Variants in POLR3F observed in about 807,000 individuals in gnomAD.
POLR3F encodes the protein DNA-directed RNA polymerase III subunit RPC6.
In POLR3F, 31 loss-of-function variants were observed where a neutral mutation model predicts 43.6. The observed-to-expected ratio is 0.71, with a 90% confidence interval of 0.53 to 0.96. The LOEUF (loss-of-function observed/expected upper bound fraction) is 0.96. Among genes scored for constraint, POLR3F ranks in the 40% least tolerant of loss-of-function variants. The probability of loss-of-function intolerance (pLI) is 0.00; values close to 1 mark genes in which losing one functional copy is unlikely to be tolerated. For missense variants in POLR3F, 316 were observed against 391.7 expected, an observed-to-expected ratio of 0.81 and a Z score of 1.63; for synonymous variants, 114 against 132.5, an observed-to-expected ratio of 0.86 and a Z score of 0.96.
intron 5 of POLR3F, among the ~76,000 whole-genome samples, chr20:18,478,006 A>G (rs889213570): frequency 2.0e-5 from 3 of 152,196 alleles, no homozygotes; most frequent in African/African-American, 7.2e-5. Flanking sequence ...ATGTGGCCCA[A>G]AGCCCCAACC....
chr20:18,468,640 C>T (rs144344202), intron 1 of POLR3F, among the ~76,000 whole-genome samples: 9 of 152,144 alleles, frequency 5.9e-5, no homozygotes, highest in Admixed American at 3.9e-4. Context: ...TTATTACACC[C>T]GAGAAAACTG....
intron 5 of POLR3F, among the ~76,000 whole-genome samples, chr20:18,475,570 A>G (rs978089413): frequency 2.0e-5 from 3 of 152,132 alleles, no homozygotes; most frequent in African/African-American, 4.8e-5. Flanking sequence ...TCGTAGAAAG[A>G]TCCCTGCCTT....
intron 6 of POLR3F, 44 bp from the exon 7 acceptor site, chr20:18,480,358 C>A: frequency 7.2e-7 from 1 of 1,390,906 alleles, no homozygotes; most frequent in Non-Finnish European, 1.0e-6. Flanking sequence ...TCAGAAAACA[C>A]ACCAATATTC....
In POLR3F at chr20:18,467,596, C is replaced by G. The variant is rs369282580; in HGVS notation, c.62+28C>G. On this transcript the variant is annotated intron_variant, in intron 1 of 8. Coordinates refer to ENST00000377603, the MANE Select transcript of POLR3F (RefSeq NM_006466.4). ...AAACCAGTGAGGCTCCGGCTTGGCA[C>G]TCCATCAGGCGCCCAGTCATTTGGG... The G allele has an allele frequency of 3.1e-6, 5 of 1,614,146 alleles. No homozygotes were observed. The Admixed American group carries it at 5.0e-5, about 16-fold the overall frequency.
At chr20:18,480,543 T>G (rs372480346) in intron 7 of POLR3F, 34 bp downstream of exon 7, 1 of 1,248,244 alleles carries the variant, frequency 8.0e-7, no homozygotes, top group African/African-American at 1.5e-5. Context: ...TTTTTAAAAC[T>G]TATTCTTTGT....
At chr20:18,471,925 T>C (rs994644628) in intron 2 of POLR3F, among the ~76,000 whole-genome samples, 2 of 152,196 alleles carry the variant, frequency 1.3e-5, no homozygotes, top group African/African-American at 4.8e-5. Flanking sequence ...GAGGTTGCAG[T>C]GAGCCGAGAT....
chr20:18,467,404 G>A lies in POLR3F; in HGVS notation c.-103G>A. 2 of 1,277,944 alleles carry A rather than the reference G, an allele frequency of 1.6e-6. No homozygotes were observed. Among genetic ancestry groups the A allele is most frequent in the East Asian group, 2.4e-5 (1 of 42,488 alleles). 79.2% of individuals were successfully genotyped at this position (1,277,944 alleles called of 1,614,324 possible). ...TGCGACACGAGGAAGAAGGCCCCTC[G>A]GCCTCAGCAGAGCGCTATCCTCCAC... On this transcript the variant is annotated 5_prime_UTR_variant, in exon 1 of 9. Coordinates refer to ENST00000377603, the MANE Select transcript of POLR3F (RefSeq NM_006466.4).
At chr20:18,479,753 G>T (rs1160790035) in intron 5 of POLR3F, among the ~76,000 whole-genome samples, 1 of 152,158 alleles carries the variant, frequency 6.6e-6, no homozygotes, top group Non-Finnish European at 1.5e-5. Flanking sequence ...ATGATGTCCT[G>T]GATGGAATCC....
At chr20:18,483,050 T>C (rs2059818575) in intron 8 of POLR3F, among the ~76,000 whole-genome samples, 1 of 151,932 alleles carries the variant, frequency 6.6e-6, no homozygotes, top group Non-Finnish European at 1.5e-5. Flanking sequence ...CAGGCCCTAT[T>C]ATAGTATGTT....
chr20:18,481,640 A>T lies in POLR3F; in HGVS notation c.703A>T (p.Ile235Phe). The stretch of plus-strand genomic sequence containing the variant: ...TTAGGTAGAGTTATCCATGGAAGAC[A>T]TTGAAACCATCCTGAATACACTCAT... ...ISKVELSMEDIETILNTLIYD... is the reference protein window; with the variant it reads ...ISKVELSMEDFETILNTLIYD... Residue 235 changes from isoleucine to phenylalanine, a missense_variant, in exon 8 of 9, where the codon ATT becomes TTT. By Grantham distance (21) the Ile-to-Phe change is conservative. Around this residue, in one of 3 missense-constraint regions of POLR3F, gnomAD observed 109 missense variants for 177.7 expected, o/e 0.61. Coordinates refer to ENST00000377603, the MANE Select transcript of POLR3F (RefSeq NM_006466.4). The T allele has an allele frequency of 1.2e-6, 2 of 1,611,082 alleles. No individual in the cohort carries two copies. The highest frequency in any genetic ancestry group is 1.7e-6 in the Non-Finnish European group (2 of 1,177,210).
At chr20:18,469,755 C>T (rs779794348) in intron 2 of POLR3F, among the ~76,000 whole-genome samples, 2 of 152,182 alleles carry the variant, frequency 1.3e-5, no homozygotes, top group Non-Finnish European at 2.9e-5. Flanking sequence ...TATGGTATAA[C>T]TGTTGTATTT....
In POLR3F at chr20:18,475,144, A is replaced by C. The variant is rs745787225; in HGVS notation, c.386A>C (p.Asn129Thr). Residue 129 changes from asparagine (N) to threonine (T), a missense_variant, in exon 5 of 9, where the codon AAT becomes ACT. Physicochemically the swap from Asn to Thr is moderately conservative, Grantham distance 65. This residue lies in a region of POLR3F where 109 missense variants were observed against 177.7 expected (regional missense o/e 0.61). Coordinates refer to ENST00000377603, the MANE Select transcript of POLR3F (RefSeq NM_006466.4). ...PLTEINKILK[N>T]LESKKLIKAV... ...ACAGAAATCAACAAAATTCTGAAGA[A>C]TCTGGAAAGTAAAAAGCTTATCAAA... is the stretch of plus-strand genomic sequence containing the variant. The C allele has an allele frequency of 3.9e-6, 6 of 1,546,196 alleles. No individual in the cohort carries two copies. The South Asian group carries it at 6.7e-5, about 17-fold the overall frequency.
intron 5 of POLR3F, among the ~76,000 whole-genome samples, chr20:18,476,156 G>A (rs1437245063): frequency 6.6e-6 from 1 of 152,102 alleles, no homozygotes; most frequent in African/African-American, 2.4e-5. Context: ...TACAGTCACT[G>A]GTTTTTACTA....
chr20:18,481,703 A>G lies in POLR3F; in HGVS notation c.766A>G (p.Lys256Glu). 5.6e-6 allele frequency: 9 copies of G among 1,613,122 alleles called. No homozygotes were observed. The highest frequency in any genetic ancestry group is 6.8e-6 in the Non-Finnish European group (8 of 1,179,038). ...GKVEMTIIAA[K>E]EGTVGSVDGH... is the part of the protein sequence containing the mutation. ...AGTGGAGATGACGATTATTGCTGCA[A>G]AAGAAGGCACAGTTGGCAGTGTAGA... The change falls in exon 8 of 9, where the codon AAA (lysine) becomes GAA (glutamate). Residue 256 changes from lysine (K) to glutamate (E), a missense_variant. Transcript: ENST00000377603.
chr20:18,483,961 A>G lies in POLR3F; in HGVS notation c.*403A>G. On this transcript the variant is annotated 3_prime_UTR_variant, in exon 9 of 9. Transcript: ENST00000377603. ...TTCTTCATTGGAAGTTTTTTTTTATATCTGGTTCACTACCACCATTTTCTG... is the reference window on the plus strand; with the variant it reads ...TTCTTCATTGGAAGTTTTTTTTTATGTCTGGTTCACTACCACCATTTTCTG... 2.5e-6 allele frequency: 1 copy of G among 396,902 alleles called. No homozygotes were observed. Among genetic ancestry groups the G allele is most frequent in the Non-Finnish European group, 4.4e-6 (1 of 225,500 alleles). The allele number at this position is 396,902 out of a possible 1,614,324, so 24.6% of individuals were successfully genotyped here.
chr20:18,475,106 T>C lies in POLR3F; in HGVS notation c.348T>C (p.Ser116=), dbSNP rs377641765. 28 of 1,506,182 alleles carry C rather than the reference T, an allele frequency of 1.9e-5. No homozygotes were observed. In the African/African-American group the frequency reaches 3.7e-4, roughly 20 times the overall value. The allele number at this position is 1,506,182 out of a possible 1,614,324, so 93.3% of individuals were successfully genotyped here. A position where few individuals can be genotyped will look rare whatever the true frequency, so the allele number is the denominator to read the frequency against. ...GGAGCAGAGATATCCGCTATAAAAG[T>C]AATTTGCCATTAACAGAAATCAACA... is the stretch of plus-strand genomic sequence containing the variant. ...GIWSRDIRYK[S]NLPLTEINKI... is the part of the protein sequence containing the mutation. Residue 116 remains serine (S), a synonymous_variant, in exon 5 of 9, where the codon AGT becomes AGC. Transcript: ENST00000377603.
At chr20:18,477,909 A>C (rs1339542363) in intron 5 of POLR3F, among the ~76,000 whole-genome samples, 1 of 146,444 alleles carries the variant, frequency 6.8e-6, no homozygotes, top group Non-Finnish European at 1.5e-5. Flanking sequence ...GGGTTTCATT[A>C]TACAGGCATG....
At chr20:18,469,367 TG>T (rs1450145179) in intron 2 of POLR3F, 1 of 252,234 alleles carries the variant, frequency 4.0e-6, no homozygotes, top group African/African-American at 2.2e-5. Flanking sequence ...AATCTTGAGC[TG>T]GGCTATGAAT....
At chr20:18,477,311 C>T (rs1180985825) in intron 5 of POLR3F, among the ~76,000 whole-genome samples, 1 of 152,144 alleles carries the variant, frequency 6.6e-6, no homozygotes, top group African/African-American at 2.4e-5. Flanking sequence ...CATATGCTGA[C>T]AAGATACAGA....
Sources: gnomAD v4.1 joint callset for allele counts (sites outside exome capture counted in the v4.1 genomes callset) on GRCh38, gnomAD v4.1.1 for gene constraint, gnomAD v4.1.1 regional missense constraint, MANE v1.5 for transcripts, NCBI Gene and HGNC (gene_info 2026-07-23, HGNC 2026-07-21) for gene names.